PIAS2: variants seen among roughly 807,000 people sequenced by gnomAD.
The protein encoded by PIAS2 is E3 SUMO-protein ligase PIAS2.
In PIAS2, 19 loss-of-function variants were observed where a neutral mutation model predicts 69.7. The observed-to-expected ratio is 0.27, with a 90% confidence interval of 0.19 to 0.40. The LOEUF (loss-of-function observed/expected upper bound fraction) is 0.40. Ranked by LOEUF, PIAS2 falls within the 10% of genes least tolerant of loss-of-function variation. The probability of loss-of-function intolerance (pLI) is 1.00; values close to 1 mark genes in which losing one functional copy is unlikely to be tolerated. For missense variants in PIAS2, 624 were observed against 757.0 expected, an observed-to-expected ratio of 0.82 and a Z score of 2.06; for synonymous variants, 261 against 263.2, an observed-to-expected ratio of 0.99 and a Z score of 0.08.
chr18:46,891,674 C>G (rs550377550), intron 1 of PIAS2: 1 of 967,244 alleles, frequency 1.0e-6, no homozygotes, highest in Admixed American at 6.1e-5. Context: ...TCTAAAACAA[C>G]TGAAATTCCC....
chr18:46,919,400 C>T (rs1176039879), upstream of PIAS2, among the ~76,000 whole-genome samples: 1 of 151,906 alleles, frequency 6.6e-6, no homozygotes, highest in Admixed American at 6.6e-5. Context: ...GCAGGAGAAT[C>T]GCTTGAACCC....
At chr18:46,910,444 T>C (rs2057132779) in intron 1 of PIAS2, among the ~76,000 whole-genome samples, 1 of 152,012 alleles carries the variant, frequency 6.6e-6, no homozygotes, top group Non-Finnish European at 1.5e-5. Flanking sequence ...AAAATTAGTA[T>C]GGAATACCTA....
intron 1 of PIAS2, among the ~76,000 whole-genome samples, chr18:46,910,096 C>A (rs573449590): frequency 6.6e-6 from 1 of 151,934 alleles, no homozygotes; most frequent in South Asian, 2.1e-4. Flanking sequence ...GAGGAGGTTG[C>A]GGTGAGTCAA....
At chr18:46,916,395 G>C (rs2057897578) in intron 1 of PIAS2, among the ~76,000 whole-genome samples, 1 of 141,346 alleles carries the variant, frequency 7.1e-6, no homozygotes. Context: ...TCTCTACCTT[G>C]ATACATTTAA....
chr18:46,902,400 T>C (rs115271233), intron 1 of PIAS2, among the ~76,000 whole-genome samples: 1,989 of 151,850 alleles, frequency 0.013, 42 homozygotes, highest in African/African-American at 0.044. Context: ...CTACTAAAGA[T>C]GCAAAAAAAA....
At chr18:46,885,516 A>T (rs1323747607) in intron 2 of PIAS2, among the ~76,000 whole-genome samples, 1 of 149,974 alleles carries the variant, frequency 6.7e-6, no homozygotes, top group Non-Finnish European at 1.5e-5. Flanking sequence ...GCAAGACTCC[A>T]TCTCAAAAAA....
rs1179791730 is a variant in PIAS2 at position 46,861,217 on chromosome 18, C to T, written c.584+2947G>A. On this transcript the variant is annotated intron_variant, in intron 3 of 13. Coordinates refer to ENST00000585916, the MANE Select transcript of PIAS2 (RefSeq NM_004671.5). ...TTGTGCCACTGCACTCCAACCTGGGCGACGGAGTGAGACTTTGTCTCAAAA... is the reference window on the plus strand; with the variant it reads ...TTGTGCCACTGCACTCCAACCTGGGTGACGGAGTGAGACTTTGTCTCAAAA... 5.9e-5 allele frequency among the ~76,000 whole-genome samples: 9 copies of T among 151,776 alleles called. No homozygotes were observed. The East Asian group carries it at 1.2e-3, about 20-fold the overall frequency.
At chr18:46,844,976 G>A (rs372024400) in intron 6 of PIAS2, 137 bp from the exon 7 acceptor site, 25 of 413,202 alleles carry the variant, frequency 6.1e-5, no homozygotes, top group African/African-American at 3.5e-4. Context: ...CAATCACTGC[G>A]AAGGGGACAA....
Position 46,846,767 on chromosome 18 carries a change from A to G in PIAS2, c.801T>C (p.Val267=), listed in dbSNP as rs751031716. 1.4e-5 allele frequency: 22 copies of G among 1,612,868 alleles called. 1 individual carries two copies. In the South Asian group the frequency reaches 2.4e-4, roughly 18 times the overall value. ...GGTTTGGCACAGCTGAAGATAACCTAACTAAAGATGTAATATTCAAGGGGC... is the reference window on the plus strand; with the variant it reads ...GGTTTGGCACAGCTGAAGATAACCTGACTAAAGATGTAATATTCAAGGGGC... ...PGRPLNITSL[V]RLSSAVPNQI... is the part of the protein sequence containing the mutation. The change falls in exon 6 of 14, where the codon GTT becomes GTC. Residue 267 remains valine (V), a synonymous_variant. Transcript: ENST00000585916.
chr18:46,843,214 C>G (rs150358849), intron 8 of PIAS2, among the ~76,000 whole-genome samples: 1 of 152,310 alleles, frequency 6.6e-6, no homozygotes, highest in African/African-American at 2.4e-5. Flanking sequence ...AATAAAAGAA[C>G]ATACAGTAGA....
In PIAS2 at chr18:46,808,720, T is replaced by C. The variant is rs2040828451; in HGVS notation, c.*3713A>G. ...TATTATGCAAAGAGCTAGAAAATAA[T>C]GGTAGTGTCATTATGACATTCCATG... On this transcript the variant is annotated 3_prime_UTR_variant, in exon 14 of 14. Transcript: ENST00000585916. 6.6e-6 allele frequency: 1 copy of C among 152,050 alleles called. No individual in the cohort carries two copies. Among genetic ancestry groups the C allele is most frequent in the Admixed American group, 6.5e-5 (1 of 15,270 alleles). The allele number at this position is 152,050 out of a possible 1,614,324, so 9.4% of individuals were successfully genotyped here.
At chr18:46,830,206 G>A (rs1317500116) in intron 9 of PIAS2, among the ~76,000 whole-genome samples, 1 of 152,060 alleles carries the variant, frequency 6.6e-6, no homozygotes, top group East Asian at 1.9e-4. Flanking sequence ...AACATCAGCA[G>A]ATAAAGGTTA....
At chr18:46,878,129 A>G (rs1344338385) in intron 2 of PIAS2, among the ~76,000 whole-genome samples, 1 of 152,190 alleles carries the variant, frequency 6.6e-6, no homozygotes, top group East Asian at 1.9e-4. Context: ...CCTATATCCT[A>G]GCCTTAGCCC....
rs1054732124 is a variant in PIAS2, at chr18:46,812,904, T to A, written c.1687-292A>T. On this transcript the variant is annotated intron_variant, in intron 13 of 13. Coordinates refer to ENST00000585916, the MANE Select transcript of PIAS2 (RefSeq NM_004671.5). ...GTCAACAATAACTGAAGTCATTTAA[T>A]ACTAAATATTGGCCCTAATCTCAAA... 2.7e-4 allele frequency among the ~76,000 whole-genome samples: 41 copies of A among 152,212 alleles called. 1 individual carries two copies. Among genetic ancestry groups the A allele is most frequent in the African/African-American group, 9.6e-4 (40 of 41,454 alleles).
chr18:46,856,000 T>TTTTTG (rs1330336474), intron 3 of PIAS2, among the ~76,000 whole-genome samples: 1 of 112,366 alleles, frequency 8.9e-6, no homozygotes, highest in African/African-American at 3.4e-5. Flanking sequence ...TTCTTTTGTT[T>TTTTTG]TTTTTTTTTT....
chr18:46,893,336 C>T (rs1248581170), intron 1 of PIAS2: 1 of 279,930 alleles, frequency 3.6e-6, no homozygotes, highest in East Asian at 1.7e-4. Flanking sequence ...GAATTCACTA[C>T]TTTGCTTCAC....
At chr18:46,896,165 C>CAAAAAAAAAAAAAAAAGA (rs2054839443) in intron 1 of PIAS2, among the ~76,000 whole-genome samples, 1 of 31,952 alleles carries the variant, frequency 3.1e-5, no homozygotes, top group Non-Finnish European at 6.2e-5. Context: ...AAGAAAAAAG[C>CAAAAAAAAAAAAAAAAGA]AAAAAAAAAA....
intron 2 of PIAS2, among the ~76,000 whole-genome samples, chr18:46,878,767 C>T (rs2051679002): frequency 1.3e-5 from 2 of 152,196 alleles, no homozygotes; most frequent in Non-Finnish European, 2.9e-5. Context: ...ACTCAGGAGA[C>T]TGCGGTAGCA....
chr18:46,890,581 T>C lies in PIAS2; in HGVS notation c.498A>G (p.Leu166=), dbSNP rs1463262856. 6.3e-7 allele frequency: 1 copy of C among 1,595,678 alleles called. No individual in the cohort carries two copies. Among genetic ancestry groups the C allele is most frequent in the East Asian group, 2.2e-5 (1 of 44,754 alleles). The change falls in exon 2 of 14, where the codon TTA becomes TTG. Residue 166 remains leucine (L), a splice_region_variant and synonymous_variant. Coordinates refer to ENST00000585916, the MANE Select transcript of PIAS2 (RefSeq NM_004671.5). The part of the protein sequence containing the change: ...VLDVLIKPTS[L]VQSSIQRFQE... ...GAAACTGAATTCTCAAACACTTACC[T>C]AAACTCGTGGGCTTGATGAGAACAT...
Sources: gnomAD v4.1 joint callset for allele counts (sites outside exome capture counted in the v4.1 genomes callset) on GRCh38, gnomAD v4.1.1 for gene constraint, MANE v1.5 for transcripts, NCBI Gene and HGNC (gene_info 2026-07-23, HGNC 2026-07-21) for gene names.